The following NMS variants were observed in gnomAD, a reference collection of about 807,000 sequenced individuals.
NMS encodes the protein neuromedin S.
In NMS, 30 loss-of-function variants were observed where a neutral mutation model predicts 32.2. That is an observed-to-expected ratio of 0.93 (90% CI 0.70 to 1.26). NMS has a LOEUF of 1.26. NMS is among the 50% of genes most tolerant of loss of function. NMS has a pLI of 0.00. For missense variants in NMS, 190 were observed against 186.3 expected (o/e 1.02, Z -0.12); for synonymous variants, 76 against 58.5 (o/e 1.30, Z -1.37).
In NMS at chr2:100,477,360, G is replaced by C; in HGVS notation, c.208-1G>C. The C allele has an allele frequency of 1.9e-6, 3 of 1,613,364 alleles. No individual in the cohort carries two copies. Among genetic ancestry groups the C allele is most frequent in the Non-Finnish European group, 1.7e-6 (2 of 1,179,496 alleles). ...TAATATCACTTTCTTTTCTTATTTA[G>C]TTTTTGTTTCACTACTCCAGAACTC... On this transcript the variant is annotated splice_acceptor_variant, in intron 4 of 9. Coordinates refer to ENST00000376865, the MANE Select transcript of NMS (RefSeq NM_001011717.1). LOFTEE classifies it high-confidence loss of function.
chr2:100,471,903 T>A (rs528428658), intron 1 of NMS, among the ~76,000 whole-genome samples: 8 of 152,342 alleles, frequency 5.3e-5, no homozygotes, highest in Admixed American at 1.3e-4. Flanking sequence ...TACTTCCTAA[T>A]TTTCCTGTTT....
intron 1 of NMS, 134 bp from the exon 2 acceptor site, chr2:100,472,661 C>T (rs181995079): frequency 8.7e-6 from 5 of 575,318 alleles, no homozygotes; most frequent in South Asian, 2.5e-5. Context: ...TCTTACTTTC[C>T]CACTGACCTC....
intron 3 of NMS, among the ~76,000 whole-genome samples, chr2:100,474,675 C>T (rs1677072209): frequency 6.6e-6 from 1 of 152,222 alleles, no homozygotes; most frequent in East Asian, 1.9e-4. Context: ...GCATCCAGAA[C>T]GTGGTAAATG....
intron 1 of NMS, among the ~76,000 whole-genome samples, chr2:100,471,217 C>T (rs907346614): frequency 6.6e-6 from 1 of 152,172 alleles, no homozygotes; most frequent in African/African-American, 2.4e-5. Flanking sequence ...TCATAGGATG[C>T]AGGGAAGTGG....
intron 3 of NMS, among the ~76,000 whole-genome samples, chr2:100,476,702 CCTT>C (rs1269224230): frequency 6.6e-6 from 1 of 152,174 alleles, no homozygotes; most frequent in Non-Finnish European, 1.5e-5. Context: ...CCCGGCATCT[CCTT>C]GAGTCAGATA....
Sources: allele counts gnomAD v4.1 joint callset (sites outside exome capture counted in the v4.1 genomes callset), GRCh38; gene constraint gnomAD v4.1.1; transcripts MANE v1.5; gene names NCBI Gene and HGNC (gene_info 2026-07-23, HGNC 2026-07-21).